ACSS2: variants seen among roughly 807,000 people sequenced by gnomAD.
The protein encoded by ACSS2 is acetyl-coenzyme A synthetase, cytoplasmic.
Under a neutral mutation model 90.6 loss-of-function variants are expected in ACSS2, and 58 were observed. That is an observed-to-expected ratio of 0.64 (90% CI 0.52 to 0.80). The LOEUF is 0.80. Among genes scored for constraint, ACSS2 ranks in the 30% least tolerant of loss-of-function variants. The pLI is 0.00. For synonymous variants in ACSS2, 300 were observed against 330.9 expected (o/e 0.91, Z 1.01); for missense variants, 759 against 912.0 (o/e 0.83, Z 2.16).
At chr20:34,899,153 G>A (rs2080558961) in intron 2 of ACSS2, among the ~76,000 whole-genome samples, 1 of 152,154 alleles carries the variant, frequency 6.6e-6, no homozygotes, top group Admixed American at 6.5e-5. Flanking sequence ...CGCAAGCTCC[G>A]TGCGCAGCCC....
At chr20:34,892,721 T>C (rs191694646) in intron 2 of ACSS2, among the ~76,000 whole-genome samples, 65 of 152,324 alleles carry the variant, frequency 4.3e-4, no homozygotes, top group South Asian at 2.9e-3. Flanking sequence ...CAAAACCCTA[T>C]ACCTAAAACA....
upstream of ACSS2, chr20:34,875,162 C>G (rs759669827): frequency 1.9e-6 from 1 of 534,630 alleles, no homozygotes; most frequent in Non-Finnish European, 3.8e-6. Context: ...AGGGTCCTGC[C>G]TGACTTCTTT....
intron 7 of ACSS2, among the ~76,000 whole-genome samples, chr20:34,916,609 ATAAAAATAGGCT>A (rs998167583): frequency 1.6e-4 from 25 of 152,244 alleles, no homozygotes; most frequent in African/African-American, 6.0e-4. Context: ...ACCAAAGAGC[ATAAAAATAGGCT>A]TAAAAAGTCC....
chr20:34,899,353 C>G (rs772433521), intron 2 of ACSS2, among the ~76,000 whole-genome samples: 1 of 152,224 alleles, frequency 6.6e-6, no homozygotes, highest in African/African-American at 2.4e-5. Context: ...ACTGCCAGCA[C>G]GCTGTCACCT....
chr20:34,921,271 G>A, intron 10 of ACSS2, 59 bp from the exon 11 acceptor site: 1 of 1,609,546 alleles, frequency 6.2e-7, no homozygotes, highest in South Asian at 1.1e-5. Flanking sequence ...GAAAAGCCTG[G>A]GTATGTGTGT....
chr20:34,920,829 A>G, intron 9 of ACSS2, 120 bp downstream of exon 9: 11 of 1,465,934 alleles, frequency 7.5e-6, no homozygotes, highest in Admixed American at 2.0e-5. Flanking sequence ...TTTCTGGAGA[A>G]AGAGAAGTCC....
At chr20:34,888,706 T>C (rs1209394183) in intron 2 of ACSS2, among the ~76,000 whole-genome samples, 1 of 152,118 alleles carries the variant, frequency 6.6e-6, no homozygotes, top group East Asian at 1.9e-4. Context: ...GAGTGGGAGC[T>C]GATAAGGAAA....
intron 2 of ACSS2, 38 bp downstream of exon 2, chr20:34,883,027 A>G: frequency 6.6e-7 from 1 of 1,513,706 alleles, no homozygotes; most frequent in Non-Finnish European, 9.0e-7. Context: ...GCAGATAAAA[A>G]CACTCATTTG....
chr20:34,921,931 T>G (rs1035046192), intron 13 of ACSS2, 65 bp downstream of exon 13: 2 of 1,555,132 alleles, frequency 1.3e-6, no homozygotes, highest in Non-Finnish European at 1.7e-6. Context: ...GGTACTTTGC[T>G]TTAGAGTTAA....
intron 1 of ACSS2, among the ~76,000 whole-genome samples, chr20:34,879,809 T>C (rs1482394398): frequency 2.0e-5 from 3 of 152,250 alleles, no homozygotes; most frequent in Non-Finnish European, 2.9e-5. Context: ...TAGTTTTATA[T>C]ACTATATGCC....
chr20:34,906,637 AC>A (rs1484272094), intron 2 of ACSS2, among the ~76,000 whole-genome samples: 1 of 152,168 alleles, frequency 6.6e-6, no homozygotes, highest in African/African-American at 2.4e-5. Context: ...CTCTCTATGT[AC>A]TAGGCTGTAC....
intron 2 of ACSS2, among the ~76,000 whole-genome samples, chr20:34,907,745 T>C (rs1281100156): frequency 6.6e-6 from 1 of 152,214 alleles, no homozygotes; most frequent in Non-Finnish European, 1.5e-5. Flanking sequence ...GTGAGCCAGT[T>C]AAGGAAATGG....
chr20:34,888,899 G>A (rs1403580017), intron 2 of ACSS2, among the ~76,000 whole-genome samples: 1 of 152,092 alleles, frequency 6.6e-6, no homozygotes, highest in African/African-American at 2.4e-5. Flanking sequence ...AGCTAGGGAA[G>A]AGAGAGTAGT....
intron 7 of ACSS2, chr20:34,915,375 C>A: frequency 1.3e-5 from 15 of 1,193,774 alleles, no homozygotes; most frequent in Non-Finnish European, 1.9e-5. Flanking sequence ...CTTCCCCTTG[C>A]CCCTGGGCAA....
At position 34,927,031 on chromosome 20, in the gene ACSS2, A is replaced by G; in HGVS notation, c.1979-56A>G. Reference sequence around the variant, plus strand: ...GTGTGCGTGGATGAAAGCCTTTGGCAGGGCTAGGGTGGGTCAGTGCTTTCA... The same window carrying G: ...GTGTGCGTGGATGAAAGCCTTTGGCGGGGCTAGGGTGGGTCAGTGCTTTCA... On this transcript the variant is annotated intron_variant, in intron 17 of 17. Coordinates refer to ENST00000360596, the MANE Select transcript of ACSS2 (RefSeq NM_018677.4). The surrounding 1 kb of genome is among the most constrained non-coding windows in gnomAD (Gnocchi z 4.2). 6.2e-7 allele frequency: 1 copy of G among 1,613,988 alleles called. No homozygotes were observed. The highest frequency in any genetic ancestry group is 8.5e-7 in the Non-Finnish European group (1 of 1,179,900).
chr20:34,923,167 TA>T, intron 13 of ACSS2, 155 bp from the exon 14 acceptor site: 3 of 602,084 alleles, frequency 5.0e-6, no homozygotes, highest in Middle Eastern at 8.5e-4. Context: ...GTCACCTAGC[TA>T]GTAAGTGGTA....
chr20:34,911,614 G>A (rs756472768), intron 2 of ACSS2, among the ~76,000 whole-genome samples: 8 of 152,042 alleles, frequency 5.3e-5, no homozygotes, highest in Non-Finnish European at 1.2e-4. Flanking sequence ...GTGAGCCACC[G>A]TGCCTGACCC....
At chr20:34,878,779 G>A (rs2079987013) in intron 1 of ACSS2, among the ~76,000 whole-genome samples, 1 of 151,770 alleles carries the variant, frequency 6.6e-6, no homozygotes, top group Non-Finnish European at 1.5e-5. Flanking sequence ...AGTCTTTCCA[G>A]TAGATTTATC....
intron 2 of ACSS2, among the ~76,000 whole-genome samples, chr20:34,899,424 T>TTCTCTTTCTTTCCTTCCTTCCTTCCC: frequency 3.5e-5 from 2 of 56,356 alleles, no homozygotes; most frequent in Non-Finnish European, 7.1e-5. Context: ...CTTTCTTTCT[T>TTCTCTTTCTTTCCTTCCTTCCTTCCC]TCCTTCCTTC....
Sources: allele counts gnomAD v4.1 joint callset (sites outside exome capture counted in the v4.1 genomes callset), GRCh38; gene constraint gnomAD v4.1.1; non-coding constraint Gnocchi (gnomAD v3.1); transcripts MANE v1.5; gene names NCBI Gene and HGNC (gene_info 2026-07-23, HGNC 2026-07-21).